Variants in SLC1A7 observed in about 807,000 individuals in gnomAD.
SLC1A7 encodes excitatory amino acid transporter 5.
In SLC1A7, 40 loss-of-function variants were observed where a neutral mutation model predicts 47.7. The observed-to-expected ratio is 0.84, with a 90% CI of 0.65 to 1.09. The LOEUF is 1.09. Ranked by LOEUF, SLC1A7 falls within the 50% of genes least tolerant of loss-of-function variation. The pLI is 0.00. For synonymous variants in SLC1A7, 323 were observed against 325.6 expected, an observed-to-expected ratio of 0.99 and a Z score of 0.09; for missense variants, 746 against 769.5, an observed-to-expected ratio of 0.97 and a Z score of 0.36.
chr1:53,109,903 C>T (rs1288369), intron 3 of SLC1A7, among the ~76,000 whole-genome samples: 55,443 of 152,030 alleles, frequency 0.36, 11,053 homozygotes, highest in Middle Eastern at 0.47. Context: ...CTGAATACAG[C>T]GGAGCTGAAT....
chr1:53,092,665 T>C lies in SLC1A7; in HGVS notation c.920A>G (p.His307Arg). The C allele has an allele frequency of 1.2e-6, 2 of 1,614,114 alleles. No homozygotes were observed. The highest frequency in any genetic ancestry group is 1.7e-6 in the Non-Finnish European group (2 of 1,179,984). The change falls in exon 7 of 11, where the codon CAC (histidine) becomes CGC (arginine). Residue 307 changes from histidine to arginine, a missense_variant. His to Arg is a conservative substitution (Grantham distance 29). Transcript: ENST00000371494. The part of the protein sequence containing the change: ...SVTVVCGLVL[H>R]GLFILPLLYF... The stretch of plus-strand genomic sequence containing the variant: ...GAGCAGGGGCAGGATAAAGAGCCCG[T>C]GGAGCACCAGCCCGCACACCACGGT...
At chr1:53,116,644 G>A (rs1008235643) in intron 2 of SLC1A7, among the ~76,000 whole-genome samples, 3 of 152,138 alleles carry the variant, frequency 2.0e-5, no homozygotes, top group Admixed American at 2.0e-4. Flanking sequence ...ACGCAGGGCC[G>A]GTGCGTCAAC....
intron 5 of SLC1A7, among the ~76,000 whole-genome samples, chr1:53,095,476 C>T (rs1644475205): frequency 6.7e-6 from 1 of 149,730 alleles, no homozygotes; most frequent in Admixed American, 6.6e-5. Flanking sequence ...CACACCTTGC[C>T]TCAGTACATT....
At chr1:53,089,102 A>C in intron 9 of SLC1A7, 123 bp from the exon 10 acceptor site, 2 of 780,520 alleles carry the variant, frequency 2.6e-6, no homozygotes, top group Non-Finnish European at 4.4e-6. Context: ...CTGCAGCCAG[A>C]TGGCTTCCTG....
intron 5 of SLC1A7, 45 bp downstream of exon 5, chr1:53,103,301 G>A (rs758968888): frequency 9.0e-6 from 13 of 1,446,486 alleles, no homozygotes; most frequent in South Asian, 1.3e-5. Context: ...GGAGGGGCTG[G>A]GGGCCCGGCT....
At chr1:53,126,173 C>T (rs1437396009) in intron 2 of SLC1A7, among the ~76,000 whole-genome samples, 7 of 152,158 alleles carry the variant, frequency 4.6e-5, no homozygotes, top group African/African-American at 1.7e-4. Flanking sequence ...CTAAAACACC[C>T]ACCCCTCTGC....
In SLC1A7 at chr1:53,108,725, A is replaced by C. The variant is rs1364945598; in HGVS notation, c.432-2951T>G. ...CCAGGTGCTAAGCATGGCACGGCAC[A>C]CAGGAGGGCAGGGCCTGGGACCCTG... On this transcript the variant is annotated intron_variant, in intron 3 of 10. Transcript: ENST00000371494. 4.2e-6 allele frequency: 3 copies of C among 710,962 alleles called. No homozygotes were observed. In the Admixed American group the frequency reaches 6.1e-5, roughly 14 times the overall value. The allele number at this position is 710,962 out of a possible 1,614,324, so 44.0% of individuals were successfully genotyped here. A position where few individuals can be genotyped will look rare whatever the true frequency, so the allele number is the denominator to read the frequency against.
At chr1:53,105,822 G>A (rs1381930411) in intron 3 of SLC1A7, 48 bp from the exon 4 acceptor site, 1 of 1,525,440 alleles carries the variant, frequency 6.6e-7, no homozygotes, top group Non-Finnish European at 9.1e-7. Context: ...CAGGACAGGA[G>A]GGCCCTGGGG....
intron 1 of SLC1A7, among the ~76,000 whole-genome samples, chr1:53,136,667 T>TATATA (rs1491513212): frequency 2.5e-3 from 7 of 2,770 alleles, no homozygotes; most frequent in Non-Finnish European, 4.1e-3. Flanking sequence ...TATATATATA[T>TATATA]TTTTTTTTTT....
intron 2 of SLC1A7, among the ~76,000 whole-genome samples, chr1:53,117,644 G>C (rs1249133401): frequency 6.6e-6 from 1 of 152,238 alleles, no homozygotes; most frequent in Non-Finnish European, 1.5e-5. Flanking sequence ...ACTCCCTCCA[G>C]ATTTGCAGTC....
chr1:53,090,584 TCCACC>T, intron 8 of SLC1A7, 23 bp downstream of exon 8: 1 of 1,538,548 alleles, frequency 6.5e-7, no homozygotes, highest in Non-Finnish European at 8.8e-7. Context: ...CCCCGCCCCA[TCCACC>T]CAGGTGCAGT....
chr1:53,088,216 G>A lies in SLC1A7; in HGVS notation c.1476C>T (p.Pro492=). The A allele has an allele frequency of 6.2e-7, 1 of 1,608,144 alleles. No individual in the cohort carries two copies. Among genetic ancestry groups the A allele is most frequent in the Non-Finnish European group, 8.5e-7 (1 of 1,176,710 alleles). The change falls in exon 11 of 11, where the codon CCC becomes CCT. Residue 492 remains proline (P), a synonymous_variant. Coordinates refer to ENST00000371494, the MANE Select transcript of SLC1A7 (RefSeq NM_006671.6). ...ARDTGTEKLL[P]CETKPVSLQE... ...GGAGGCTCACTGGCTTGGTCTCGCA[G>A]GGCAGCAGTTTCTGGTGAAGGGAAA...
intron 2 of SLC1A7, among the ~76,000 whole-genome samples, chr1:53,121,230 T>C (rs1644822229): frequency 6.6e-6 from 1 of 152,168 alleles, no homozygotes; most frequent in Admixed American, 6.5e-5. Flanking sequence ...CTGATGTGTG[T>C]GATGCTGAAC....
intron 5 of SLC1A7, among the ~76,000 whole-genome samples, chr1:53,095,725 TTGCCTCGGTACACTCAAC>T (rs1165089297): frequency 1.5e-5 from 2 of 136,474 alleles, no homozygotes; most frequent in African/African-American, 2.9e-5. Flanking sequence ...CACACACAAC[TTGCCTCGGTACACTCAAC>T]TGCCTCGGTA....
chr1:53,090,011 G>A (rs758411171), intron 8 of SLC1A7, 77 bp from the exon 9 acceptor site: 3 of 1,542,770 alleles, frequency 1.9e-6, no homozygotes, highest in South Asian at 1.1e-5. Context: ...CAAGGAAGAG[G>A]TTGAGTGTCA....
intron 3 of SLC1A7, among the ~76,000 whole-genome samples, chr1:53,105,984 G>A (rs1644636443): frequency 6.6e-6 from 1 of 152,004 alleles, no homozygotes; most frequent in Non-Finnish European, 1.5e-5. Context: ...CCAGAGCCAG[G>A]CATTTGTCTA....
Position 53,088,146 on chromosome 1 carries a change from C to T in SLC1A7, c.1546G>A (p.Ala516Thr), listed in dbSNP as rs1238648039. ...CCCAGGGTGAGCTCGGAGGCCTCGG[C>T]TACACTCTTCACACAGCCATTCTGC... Reference protein sequence around the residue: ...AQQNGCVKSVAEASELTLGPT... With the variant: ...AQQNGCVKSVTEASELTLGPT... Residue 516 changes from alanine to threonine, a missense_variant, in exon 11 of 11, where the codon GCC becomes ACC. By Grantham distance (58) the Ala-to-Thr change is moderately conservative (BLOSUM62 0). Coordinates refer to ENST00000371494, the MANE Select transcript of SLC1A7 (RefSeq NM_006671.6). 1 of 1,613,638 alleles carries T rather than the reference C, an allele frequency of 6.2e-7. No homozygotes were observed. The highest frequency in any genetic ancestry group is 8.5e-7 in the Non-Finnish European group (1 of 1,179,796).
chr1:53,101,640 T>C (rs1644582864), intron 5 of SLC1A7, among the ~76,000 whole-genome samples: 1 of 145,314 alleles, frequency 6.9e-6, no homozygotes, highest in Non-Finnish European at 1.5e-5. Flanking sequence ...TCACACACCT[T>C]GCCTCGGTAC....
chr1:53,126,303 C>T (rs1644881527), intron 2 of SLC1A7, among the ~76,000 whole-genome samples: 1 of 152,210 alleles, frequency 6.6e-6, no homozygotes, highest in Admixed American at 6.5e-5. Context: ...GGGGAAGAGC[C>T]CTTGGAAGGA....
Sources: allele counts gnomAD v4.1 joint callset (sites outside exome capture counted in the v4.1 genomes callset), GRCh38; gene constraint gnomAD v4.1.1; transcripts MANE v1.5; gene names NCBI Gene and HGNC (gene_info 2026-07-23, HGNC 2026-07-21).